The following KCNN2 variants were observed in gnomAD, a reference collection of about 807,000 sequenced individuals.
KCNN2 encodes small conductance calcium-activated potassium channel protein 2.
KCNN2 carries 24 observed loss-of-function variants against 55.5 expected under a neutral mutation model. The ratio of observed to expected loss-of-function variants is 0.43; its 90% CI spans 0.31 to 0.61. The LOEUF (loss-of-function observed/expected upper bound fraction) is 0.61, where lower values mean the gene tolerates loss of function less well. Among genes scored for constraint, KCNN2 ranks in the 20% least tolerant of loss-of-function variants. The pLI is 0.08. For synonymous variants in KCNN2, 431 were observed against 336.1 expected, an observed-to-expected ratio of 1.28 and a Z score of -3.09; for missense variants, 754 against 853.6, an observed-to-expected ratio of 0.88 and a Z score of 1.45.
intron 1 of KCNN2, among the ~76,000 whole-genome samples, chr5:114,091,076 G>A (rs1342046798): frequency 1.3e-5 from 2 of 152,164 alleles, no homozygotes; most frequent in Admixed American, 6.6e-5. Context: ...CTGTGTTCAA[G>A]TGATCTACCT....
At chr5:114,481,833 T>C (rs1488161320) in intron 5 of KCNN2, among the ~76,000 whole-genome samples, 1 of 152,192 alleles carries the variant, frequency 6.6e-6, no homozygotes, top group African/African-American at 2.4e-5. Flanking sequence ...GCTAGCTATA[T>C]GCAGAAAATT....
At chr5:114,161,819 C>G (rs1044505485) in intron 1 of KCNN2, among the ~76,000 whole-genome samples, 1 of 152,196 alleles carries the variant, frequency 6.6e-6, no homozygotes, top group African/African-American at 2.4e-5. Flanking sequence ...GTGCATTCGT[C>G]ACGTGGTTCT....
At chr5:114,150,632 G>A (rs13180608) in intron 1 of KCNN2, among the ~76,000 whole-genome samples, 16,332 of 152,142 alleles carry the variant, frequency 0.11, 1,078 homozygotes, top group Middle Eastern at 0.24. Context: ...AATCAGACCC[G>A]TCTTTTCCTG....
upstream of KCNN2, among the ~76,000 whole-genome samples, chr5:114,359,545 G>T (rs1201307729): frequency 1.3e-5 from 2 of 152,148 alleles, no homozygotes; most frequent in Non-Finnish European, 2.9e-5. Flanking sequence ...CACAAGGGAT[G>T]CAGCCATTAT....
chr5:114,388,992 T>C (rs894321542), intron 2 of KCNN2, among the ~76,000 whole-genome samples: 7 of 152,122 alleles, frequency 4.6e-5, no homozygotes, highest in African/African-American at 1.7e-4. Context: ...TACAGTGATG[T>C]TCTCTGGTAA....
Position 114,496,302 on chromosome 5 carries a change from T to C in KCNN2, c.*120T>C. On this transcript the variant is annotated 3_prime_UTR_variant, in exon 8 of 8. Coordinates refer to ENST00000673685, the MANE Select transcript of KCNN2 (RefSeq NM_021614.4). ...TATCCGGGTTCTGATGTCAGAATCCTGGGAACCTGAACACTAAGTTTTAGG... is the reference window on the plus strand; with the variant it reads ...TATCCGGGTTCTGATGTCAGAATCCCGGGAACCTGAACACTAAGTTTTAGG... 8.9e-7 allele frequency: 1 copy of C among 1,120,064 alleles called. No homozygotes were observed. Among genetic ancestry groups the C allele is most frequent in the Non-Finnish European group, 1.2e-6 (1 of 804,372 alleles). The allele number at this position is 1,120,064 out of a possible 1,614,324, so 69.4% of individuals were successfully genotyped here.
intron 2 of KCNN2, among the ~76,000 whole-genome samples, chr5:114,390,569 C>A (rs1388568730): frequency 2.0e-5 from 3 of 152,062 alleles, no homozygotes; most frequent in Non-Finnish European, 4.4e-5. Flanking sequence ...GTCCTATGAC[C>A]AGGCATCCTT....
chr5:114,490,274 G>T (rs768819814), intron 6 of KCNN2, among the ~76,000 whole-genome samples: 41 of 152,130 alleles, frequency 2.7e-4, no homozygotes, highest in Non-Finnish European at 5.3e-4. Flanking sequence ...CTTCTGAGTT[G>T]TCCTAATTTG....
chr5:114,393,043 T>C (rs996494879), intron 2 of KCNN2, among the ~76,000 whole-genome samples: 2 of 152,088 alleles, frequency 1.3e-5, no homozygotes, highest in Admixed American at 1.3e-4. Flanking sequence ...TGATCTCCTC[T>C]GTATTTCCTC....
intron 5 of KCNN2, among the ~76,000 whole-genome samples, chr5:114,474,956 C>T (rs1312946532): frequency 6.6e-6 from 1 of 151,780 alleles, no homozygotes; most frequent in Non-Finnish European, 1.5e-5. Flanking sequence ...GCAGACTTCT[C>T]CATGTTTCAT....
chr5:114,162,290 A>G (rs1412041509), intron 1 of KCNN2, among the ~76,000 whole-genome samples: 1 of 152,198 alleles, frequency 6.6e-6, no homozygotes, highest in African/African-American at 2.4e-5. Flanking sequence ...TTGCATGGGT[A>G]TCAGCAGTGG....
intron 4 of KCNN2, among the ~76,000 whole-genome samples, chr5:114,470,299 G>A (rs77256891): frequency 0.034 from 5,107 of 152,222 alleles, 105 homozygotes; most frequent in South Asian, 0.074. Context: ...TCTCATAGCT[G>A]TCTCTGCAGT....
intron 5 of KCNN2, among the ~76,000 whole-genome samples, chr5:114,475,936 T>C (rs1363328584): frequency 5.3e-5 from 8 of 152,208 alleles, no homozygotes; most frequent in African/African-American, 1.9e-4. Context: ...TGTCAACTTA[T>C]TGCCTGTTGA....
Position 114,496,190 on chromosome 5 carries a change from T to C in KCNN2, c.*8T>C. ...TCATCAGAGAGTAGCTAGAAGAGAA[T>C]AAGTTAACCACAAAATAAGACTTTT... On this transcript the variant is annotated 3_prime_UTR_variant, in exon 8 of 8. Transcript: ENST00000673685. The C allele has an allele frequency of 6.2e-7, 1 of 1,611,910 alleles. No individual in the cohort carries two copies. Among genetic ancestry groups the C allele is most frequent in the South Asian group, 1.1e-5 (1 of 91,016 alleles).
At chr5:114,262,519 C>T (rs1036115019) in intron 2 of KCNN2, among the ~76,000 whole-genome samples, 1 of 152,094 alleles carries the variant, frequency 6.6e-6, no homozygotes, top group Non-Finnish European at 1.5e-5. Context: ...GGAGTGAATC[C>T]TGGCTCTGGT....
chr5:114,121,911 A>G (rs1477238339), intron 1 of KCNN2, among the ~76,000 whole-genome samples: 1 of 152,216 alleles, frequency 6.6e-6, no homozygotes, highest in Non-Finnish European at 1.5e-5. Flanking sequence ...TGCCAGGATT[A>G]TGTTCTTAAG....
At chr5:114,236,848 G>A (rs576812003) in intron 2 of KCNN2, among the ~76,000 whole-genome samples, 22 of 152,136 alleles carry the variant, frequency 1.4e-4, no homozygotes, top group Non-Finnish European at 2.4e-4. Context: ...TTATGGAAAA[G>A]GATACTATGC....
intron 2 of KCNN2, among the ~76,000 whole-genome samples, chr5:114,373,144 C>A (rs1038330854): frequency 1.3e-5 from 2 of 151,956 alleles, no homozygotes; most frequent in African/African-American, 4.8e-5. Context: ...AACTATGTGG[C>A]GAATTCTGCA....
At chr5:114,348,297 A>G (rs914940764) in intron 2 of KCNN2, among the ~76,000 whole-genome samples, 12 of 150,122 alleles carry the variant, frequency 8.0e-5, no homozygotes, top group Non-Finnish European at 1.6e-4. Flanking sequence ...GGGGAGGGAG[A>G]GCATTAGGAG....
Sources: gnomAD v4.1 joint callset for allele counts (sites outside exome capture counted in the v4.1 genomes callset) on GRCh38, gnomAD v4.1.1 for gene constraint, MANE v1.5 for transcripts, NCBI Gene and HGNC (gene_info 2026-07-23, HGNC 2026-07-21) for gene names.